The following TUB variants were observed in gnomAD, a reference collection of about 807,000 sequenced individuals.
TUB encodes the protein TUB bipartite transcription factor.
A neutral mutation model predicts 59.7 loss-of-function variants in TUB; 33 were observed. The observed-to-expected ratio is 0.55, with a 90% CI of 0.42 to 0.74. The LOEUF (loss-of-function observed/expected upper bound fraction) is 0.74. TUB is among the 30% of genes least tolerant of loss of function. TUB has a pLI of 0.00. For synonymous variants in TUB, 293 were observed against 256.4 expected (o/e 1.14, Z -1.36); for missense variants, 659 against 672.0 (o/e 0.98, Z 0.21).
At chr11:8,067,526 C>T (rs908383862) in intron 2 of TUB, 3 of 152,212 alleles carry the variant, frequency 2.0e-5, no homozygotes, top group African/African-American at 7.2e-5. Context: ...TTGTGCCTAA[C>T]AAAATACTTA....
Position 8,100,887 on chromosome 11 carries a change from A to C in TUB, c.1277A>C (p.Gln426Pro), listed in dbSNP as rs1944264478. ...NKNTESIIEL[Q>P]NKTPVWNDDT... ...AACACGGAGAGTATCATCGAGCTGC[A>C]AAACAAGACACCTGTCTGGAATGAT... Residue 426 changes from glutamine to proline, a missense_variant, in exon 11 of 12, where the codon CAA becomes CCA. Transcript: ENST00000299506. The C allele has an allele frequency of 3.7e-6, 6 of 1,614,200 alleles. No individual in the cohort carries two copies. The highest frequency in any genetic ancestry group is 5.1e-6 in the Non-Finnish European group (6 of 1,180,026).
chr11:8,101,994 C>A lies in TUB; in HGVS notation c.*375C>A. The A allele has an allele frequency of 4.3e-6, 1 of 233,352 alleles. No individual in the cohort carries two copies. The allele number at this position is 233,352 out of a possible 1,614,324, so 14.5% of individuals were successfully genotyped here. A position where few individuals can be genotyped will look rare whatever the true frequency, so the allele number is the denominator to read the frequency against. On this transcript the variant is annotated 3_prime_UTR_variant, in exon 12 of 12. Coordinates refer to ENST00000299506, the MANE Select transcript of TUB (RefSeq NM_177972.3). ...GAAGCACACTGCAGGGCTGCTGTGG[C>A]CCAGTCGTCCGCTCAGCCAAGGAGT...
intron 9 of TUB, 109 bp from the exon 10 acceptor site, chr11:8,100,394 G>A (rs563802900): frequency 1.2e-5 from 10 of 836,580 alleles, no homozygotes; most frequent in South Asian, 5.9e-5. Flanking sequence ...GTTAGACTTC[G>A]GAGTGGAGAT....
rs113481404 is a variant in TUB at position 8,090,322 on chromosome 11, G to A, written c.253+91G>A. 6,051 of 1,501,490 alleles carry A rather than the reference G, an allele frequency of 4.0e-3. 178 individuals are homozygous for A. In the African/African-American group the frequency reaches 0.07, roughly 17 times the overall value. The allele number at this position is 1,501,490 out of a possible 1,614,324, so 93.0% of individuals were successfully genotyped here. On this transcript the variant is annotated intron_variant, in intron 3 of 11. Transcript: ENST00000299506. The stretch of plus-strand genomic sequence containing the variant: ...TAGGCAGGTGCGGACTGGTCCTGAC[G>A]GGGGATGCCCAGGCTGTGTATGGCT...
chr11:8,065,452 C>T (rs897331720), intron 2 of TUB, among the ~76,000 whole-genome samples: 1 of 152,188 alleles, frequency 6.6e-6, no homozygotes, highest in Non-Finnish European at 1.5e-5. Flanking sequence ...TGTGTGACCT[C>T]AGTTCTTGAG....
intron 10 of TUB, 79 bp downstream of exon 10, chr11:8,100,680 G>T: frequency 6.6e-7 from 1 of 1,510,190 alleles, no homozygotes; most frequent in Non-Finnish European, 9.1e-7. Flanking sequence ...AACTCCAGCT[G>T]ATGTGTGTAT....
rs1226712996 is a variant in TUB at position 8,094,070 on chromosome 11, G to A, written c.278G>A (p.Ser93Asn). 2 of 1,614,202 alleles carry A rather than the reference G, an allele frequency of 1.2e-6. No homozygotes were observed. The highest frequency in any genetic ancestry group is 1.7e-6 in the Non-Finnish European group (2 of 1,180,042). ...YQVQEADSLA[S>N]VQLGATRPTA... is the part of the protein sequence containing the mutation. ...GTTCAAGAGGCCGACTCACTCGCCA[G>A]TGTGCAGCTGGGAGCCACGCGCCCA... The change falls in exon 4 of 12, where the codon AGT becomes AAT. Residue 93 changes from serine to asparagine, a missense_variant. Physicochemically the swap from Ser to Asn is conservative, Grantham distance 46 (BLOSUM62 1). Around this residue, in one of 3 missense-constraint regions of TUB, gnomAD observed 321 missense variants for 304.3 expected, o/e 1.05. Transcript: ENST00000299506.
chr11:8,035,793 G>T (rs1486038694), upstream of TUB: 1 of 152,350 alleles, frequency 6.6e-6, no homozygotes. Flanking sequence ...CACTGGACAT[G>T]CATGGAGGTG....
intron 2 of TUB, chr11:8,075,512 T>G (rs1169054815): frequency 6.6e-6 from 1 of 152,266 alleles, no homozygotes; most frequent in Non-Finnish European, 1.5e-5. Context: ...AATTGTTAAG[T>G]TGAATAGGCA....
Position 8,061,023 on chromosome 11 carries a change from C to T in TUB, c.203+21331C>T, listed in dbSNP as rs999929214. ...CCCCTGCCTGCTGGCTGGCTCGTCC[C>T]CAGCCCCAGGCATCAGGGTGCCCCA... On this transcript the variant is annotated intron_variant, in intron 2 of 12. Transcript: ENST00000305253. Among the ~76,000 whole-genome samples, 3 of 152,216 alleles carry T rather than the reference C, an allele frequency of 2.0e-5. 1 individual carries two copies. The highest frequency in any genetic ancestry group is 4.8e-5 in the African/African-American group (2 of 41,456).
chr11:8,056,574 A>G (rs1439247494), intron 2 of TUB, among the ~76,000 whole-genome samples: 1 of 152,080 alleles, frequency 6.6e-6, no homozygotes, highest in Non-Finnish European at 1.5e-5. Flanking sequence ...GGCACAGTAC[A>G]TGTGGGTACA....
intron 2 of TUB, among the ~76,000 whole-genome samples, chr11:8,058,061 AATTAGCCAGGC>A (rs148205112): frequency 6.6e-6 from 1 of 151,776 alleles, no homozygotes; most frequent in African/African-American, 2.4e-5. Context: ...AAAATACAAA[AATTAGCCAGGC>A]ATGGTGGTAC....
rs1403643351 is a variant in TUB, at chr11:8,104,451, T to C, written c.*2832T>C. On this transcript the variant is annotated 3_prime_UTR_variant, in exon 12 of 12. Transcript: ENST00000299506. ...GTATGTGTGTGTCTGTGCGTCTGTG[T>C]GTTTATTTGGGGAAAAGGGCAATCA... The C allele has an allele frequency of 3.3e-5, 5 of 152,256 alleles. No individual in the cohort carries two copies. The highest frequency in any genetic ancestry group is 7.3e-5 in the Non-Finnish European group (5 of 68,052). 9.4% of individuals were successfully genotyped at this position (152,256 alleles called of 1,614,324 possible). A position where few individuals can be genotyped will look rare whatever the true frequency, so the allele number is the denominator to read the frequency against.
At chr11:8,025,006 C>T (rs950429833) in intron 1 of TUB, among the ~76,000 whole-genome samples, 2 of 152,186 alleles carry the variant, frequency 1.3e-5, no homozygotes, top group Non-Finnish European at 2.9e-5. Flanking sequence ...ATGGTAGCTA[C>T]GTCTTAAGGT....
intron 9 of TUB, 152 bp downstream of exon 9, chr11:8,099,027 CAG>C (rs1404525110): frequency 3.0e-6 from 2 of 662,698 alleles, no homozygotes; most frequent in African/African-American, 3.6e-5. Flanking sequence ...TGGCCTAGGA[CAG>C]GGGCTCTGGC....
At chr11:8,030,666 T>C (rs565119673) in intron 1 of TUB, among the ~76,000 whole-genome samples, 1 of 152,232 alleles carries the variant, frequency 6.6e-6, no homozygotes, top group East Asian at 1.9e-4. Flanking sequence ...AGGTGAACAA[T>C]GCTAGAGAAC....
chr11:8,062,656 A>G (rs1943155080), intron 2 of TUB, among the ~76,000 whole-genome samples: 1 of 152,174 alleles, frequency 6.6e-6, no homozygotes, highest in African/African-American at 2.4e-5. Context: ...CAAAGGCTCT[A>G]GAACAGTGGT....
At chr11:8,064,416 C>T (rs751422004) in intron 2 of TUB, among the ~76,000 whole-genome samples, 13 of 152,102 alleles carry the variant, frequency 8.5e-5, no homozygotes, top group Non-Finnish European at 1.6e-4. Context: ...GTACACTTGC[C>T]TGTTGATCCT....
chr11:8,090,421 C>T (rs1943750136), intron 3 of TUB, among the ~76,000 whole-genome samples, 190 bp downstream of exon 3: 2 of 152,242 alleles, frequency 1.3e-5, no homozygotes, highest in Non-Finnish European at 2.9e-5. Context: ...CCTGTGTATG[C>T]TCCAGCTGAC....
Sources: gnomAD v4.1 joint callset for allele counts (sites outside exome capture counted in the v4.1 genomes callset) on GRCh38, gnomAD v4.1.1 for gene constraint, gnomAD v4.1.1 regional missense constraint, MANE v1.5 for transcripts, NCBI Gene and HGNC (gene_info 2026-07-23, HGNC 2026-07-21) for gene names.